Variants in BAIAP2 observed in about 807,000 individuals in gnomAD.
The protein encoded by BAIAP2 is BAR/IMD domain-containing adapter protein 2.
Under a neutral mutation model 63.0 loss-of-function variants are expected in BAIAP2, and 18 were observed. That is an observed-to-expected ratio of 0.29 (90% CI 0.20 to 0.42). The LOEUF (loss-of-function observed/expected upper bound fraction) is 0.42. Ranked by LOEUF, BAIAP2 falls within the 10% of genes least tolerant of loss-of-function variation. The pLI, the probability that BAIAP2 is intolerant of heterozygous loss-of-function variation, is 1.00. For synonymous variants in BAIAP2, 386 were observed against 307.6 expected, an observed-to-expected ratio of 1.25 and a Z score of -2.67; for missense variants, 610 against 734.3, an observed-to-expected ratio of 0.83 and a Z score of 1.96.
At chr17:81,106,402 G>C (rs897673834) in intron 11 of BAIAP2, among the ~76,000 whole-genome samples, 1 of 152,194 alleles carries the variant, frequency 6.6e-6, no homozygotes, top group Non-Finnish European at 1.5e-5. Context: ...CAGCTCCTGG[G>C]GGCCAGGTGT....
chr17:81,057,970 GAGA>G lies in BAIAP2; in HGVS notation c.217+4_217+6del. 8.2e-7 allele frequency: 1 copy of G among 1,215,180 alleles called. No homozygotes were observed. The highest frequency in any genetic ancestry group is 1.1e-6 in the Non-Finnish European group (1 of 894,908). The allele number at this position is 1,215,180 out of a possible 1,614,324, so 75.3% of individuals were successfully genotyped here. On this transcript the variant is annotated splice_donor_5th_base_variant and intron_variant, in intron 3 of 13. Transcript: ENST00000428708. Reference sequence around the variant, plus strand: ...GAGCCAGGGCTCCAAAGAACTCGGTGAGACCCCCCCCCCCCCCCCGCCTGGTAG... The same window carrying G: ...GAGCCAGGGCTCCAAAGAACTCGGTGCCCCCCCCCCCCCCCCGCCTGGTAG...
chr17:81,060,371 CCTGGCAGCCA>C (rs1374141100), intron 3 of BAIAP2, among the ~76,000 whole-genome samples: 1 of 152,210 alleles, frequency 6.6e-6, no homozygotes, highest in Non-Finnish European at 1.5e-5. Context: ...GCTCCCAGCC[CCTGGCAGCCA>C]CACCACTGTG....
chr17:81,096,954 G>A (rs35703700), intron 6 of BAIAP2, among the ~76,000 whole-genome samples: 1 of 151,794 alleles, frequency 6.6e-6, no homozygotes, highest in Non-Finnish European at 1.5e-5. Flanking sequence ...GGAGAAAGTA[G>A]AGGAGGAGAA....
chr17:81,101,922 G>A lies in BAIAP2; in HGVS notation c.643-1580G>A, dbSNP rs553413628. ...CGCCTGCTAGACCCAGGACAGTGGC[G>A]GGCGTCTGCGCCCTCTGGCGGGGGC... On this transcript the variant is annotated intron_variant, in intron 7 of 13. Coordinates refer to ENST00000428708, the MANE Select transcript of BAIAP2 (RefSeq NM_001144888.2). 2.8e-4 allele frequency among the ~76,000 whole-genome samples: 43 copies of A among 152,372 alleles called. No individual in the cohort carries two copies. In the Middle Eastern group the frequency reaches 0.01, roughly 36 times the overall value.
At chr17:81,115,329 G>A (rs60863103) in intron 13 of BAIAP2, among the ~76,000 whole-genome samples, 37 of 152,294 alleles carry the variant, frequency 2.4e-4, no homozygotes, top group African/African-American at 8.4e-4. Flanking sequence ...TGGGCTGGAC[G>A]CTCTGCCACG....
chr17:81,055,569 G>GTTTTTTTTTTTGTTGTTTTT (rs1555657837), intron 2 of BAIAP2, among the ~76,000 whole-genome samples: 10 of 94,210 alleles, frequency 1.1e-4, no homozygotes, highest in Non-Finnish European at 1.5e-4. Context: ...TCTGCAGGGT[G>GTTTTTTTTTTTGTTGTTTTT]TTTTGTTTTT....
At chr17:81,035,630 G>T (rs1164120383) in intron 1 of BAIAP2, among the ~76,000 whole-genome samples, 2 of 150,788 alleles carry the variant, frequency 1.3e-5, no homozygotes, top group African/African-American at 4.8e-5. Flanking sequence ...TCGCCTTGGC[G>T]TCGGCGGGAA....
At chr17:81,075,269 C>A (rs559573406) in intron 3 of BAIAP2, among the ~76,000 whole-genome samples, 2 of 152,206 alleles carry the variant, frequency 1.3e-5, no homozygotes, top group Non-Finnish European at 2.9e-5. Context: ...TCCTTGCTGC[C>A]CTCTCTCTTC....
At chr17:81,044,761 G>T (rs764085381) in intron 1 of BAIAP2, among the ~76,000 whole-genome samples, 2 of 152,224 alleles carry the variant, frequency 1.3e-5, no homozygotes, top group Admixed American at 6.5e-5. Flanking sequence ...CAGTCAGATC[G>T]CAGCCCGCAG....
At chr17:81,059,572 G>GTGGTCCCCC (rs755486122) in intron 3 of BAIAP2, among the ~76,000 whole-genome samples, 5 of 152,160 alleles carry the variant, frequency 3.3e-5, no homozygotes, top group Non-Finnish European at 5.9e-5. Context: ...AGCCTCCCTA[G>GTGGTCCCCC]TAGCTGGGAC....
At chr17:81,106,928 C>T (rs962971758) in intron 12 of BAIAP2, 21 bp downstream of exon 12, 4 of 1,486,492 alleles carry the variant, frequency 2.7e-6, no homozygotes, top group Non-Finnish European at 3.6e-6. Context: ...GGGGCCGGGG[C>T]TGGGAGGGGC....
chr17:81,065,662 C>G (rs1169415173), intron 3 of BAIAP2, among the ~76,000 whole-genome samples: 1 of 152,230 alleles, frequency 6.6e-6, no homozygotes, highest in Non-Finnish European at 1.5e-5. Flanking sequence ...CGCTCCCCCA[C>G]CCGAGGCTGG....
chr17:81,063,599 C>T (rs1402278284), intron 3 of BAIAP2: 1 of 152,392 alleles, frequency 6.6e-6, no homozygotes, highest in African/African-American at 2.4e-5. Context: ...GCCGGGGGCT[C>T]AGCAGTTGCC....
chr17:81,100,055 A>G lies in BAIAP2; in HGVS notation c.617A>G (p.Lys206Arg), dbSNP rs528044923. 3 of 1,611,760 alleles carry G rather than the reference A, an allele frequency of 1.9e-6. No individual in the cohort carries two copies. The highest frequency in any genetic ancestry group is 2.5e-6 in the Non-Finnish European group (3 of 1,179,700). The change falls in exon 7 of 14, where the codon AAG becomes AGG. Residue 206 changes from lysine (K) to arginine (R), a missense_variant. By Grantham distance (26) the Lys-to-Arg change is conservative. This residue lies in a region of BAIAP2 where 389 missense variants were observed against 455.6 expected (regional missense o/e 0.85). Coordinates refer to ENST00000428708, the MANE Select transcript of BAIAP2 (RefSeq NM_001144888.2). The part of the protein sequence containing the change: ...FLVEKQCAVA[K>R]NSAAYHSKGK... ...GTGGAGAAGCAGTGCGCCGTGGCCA[A>G]GAACTCCGCGGCCTACCACTCCAAG...
chr17:81,078,793 G>A (rs2054134024), intron 3 of BAIAP2, among the ~76,000 whole-genome samples: 1 of 152,094 alleles, frequency 6.6e-6, no homozygotes, highest in Non-Finnish European at 1.5e-5. Flanking sequence ...GCTGCTCCAG[G>A]CTGGCAGCAG....
intron 3 of BAIAP2, among the ~76,000 whole-genome samples, chr17:81,076,006 G>A (rs756245400): frequency 3.3e-5 from 5 of 151,140 alleles, no homozygotes; most frequent in South Asian, 2.1e-4. Context: ...GCCTGCACCC[G>A]GGTGTTCCCT....
intron 6 of BAIAP2, among the ~76,000 whole-genome samples, chr17:81,099,053 C>T (rs941162331): frequency 1.0e-4 from 15 of 146,832 alleles, no homozygotes; most frequent in African/African-American, 3.8e-4. Context: ...GGTGGAAGGG[C>T]AGCAATCAGG....
chr17:81,058,932 G>C (rs937165788), intron 3 of BAIAP2, among the ~76,000 whole-genome samples: 1 of 152,148 alleles, frequency 6.6e-6, no homozygotes, highest in Admixed American at 6.5e-5. Context: ...GGGGGGTCGT[G>C]GGTTGCTCTG....
chr17:81,037,357 A>G (rs1402039374), intron 1 of BAIAP2, among the ~76,000 whole-genome samples: 6 of 152,214 alleles, frequency 3.9e-5, no homozygotes, highest in South Asian at 2.1e-4. Context: ...GCTGCTGCAC[A>G]CAGGCGGGGT....
Sources: gnomAD v4.1 joint callset for allele counts (sites outside exome capture counted in the v4.1 genomes callset) on GRCh38, gnomAD v4.1.1 for gene constraint, gnomAD v4.1.1 regional missense constraint, MANE v1.5 for transcripts, NCBI Gene and HGNC (gene_info 2026-07-23, HGNC 2026-07-21) for gene names.